GPC6: variants seen among roughly 807,000 people sequenced by gnomAD.
The protein encoded by GPC6 is glypican 6.
GPC6 carries 14 observed loss-of-function variants against 55.2 expected under a neutral mutation model. That is an observed-to-expected ratio of 0.25 (90% CI 0.17 to 0.40). The LOEUF (loss-of-function observed/expected upper bound fraction) is 0.40, where lower values mean the gene tolerates loss of function less well. Among genes scored for constraint, GPC6 ranks in the 10% least tolerant of loss-of-function variants. GPC6 has a pLI of 1.00. For missense variants in GPC6, 641 were observed against 708.5 expected, an observed-to-expected ratio of 0.90 and a Z score of 1.08; for synonymous variants, 278 against 259.6, an observed-to-expected ratio of 1.07 and a Z score of -0.68.
intron 1 of GPC6, among the ~76,000 whole-genome samples, chr13:93,350,753 A>T (rs7988684): frequency 0.41 from 62,465 of 152,050 alleles, 14,277 homozygotes; most frequent in East Asian, 0.91. Flanking sequence ...ATAAACCTTA[A>T]GAGAAAAGCT....
intron 2 of GPC6, among the ~76,000 whole-genome samples, chr13:93,735,827 T>G (rs1883981965): frequency 6.6e-6 from 1 of 152,238 alleles, no homozygotes; most frequent in Non-Finnish European, 1.5e-5. Context: ...CTGGAGGATC[T>G]GATCCATTTC....
intron 1 of GPC6, among the ~76,000 whole-genome samples, chr13:93,510,969 ATG>A (rs1315288853): frequency 3.2e-5 from 2 of 62,380 alleles, no homozygotes; most frequent in East Asian, 1.1e-3. Context: ...ATATATATAT[ATG>A]TGTATATATA....
chr13:93,312,281 A>G (rs774574142), intron 1 of GPC6, among the ~76,000 whole-genome samples: 3 of 152,162 alleles, frequency 2.0e-5, no homozygotes, highest in Non-Finnish European at 2.9e-5. Context: ...TCAAAGTGTC[A>G]ATAGATCCTG....
At chr13:93,579,314 A>G (rs532497605) in intron 2 of GPC6, among the ~76,000 whole-genome samples, 2 of 152,156 alleles carry the variant, frequency 1.3e-5, no homozygotes, top group Non-Finnish European at 2.9e-5. Flanking sequence ...TCCTAATTTG[A>G]TTCTAGTAGT....
intron 4 of GPC6, among the ~76,000 whole-genome samples, chr13:94,191,175 C>A (rs1227013605): frequency 6.6e-6 from 1 of 152,140 alleles, no homozygotes; most frequent in East Asian, 1.9e-4. Flanking sequence ...AAGAAGCTCT[C>A]TCATTATTTA....
chr13:93,441,785 T>C (rs1177371165), intron 1 of GPC6, among the ~76,000 whole-genome samples: 1 of 152,192 alleles, frequency 6.6e-6, no homozygotes, highest in African/African-American at 2.4e-5. Flanking sequence ...GTGTCCTGAA[T>C]GGTATTGCCT....
intron 1 of GPC6, among the ~76,000 whole-genome samples, chr13:93,504,342 A>G (rs1880627824): frequency 6.6e-6 from 1 of 152,156 alleles, no homozygotes; most frequent in Admixed American, 6.5e-5. Context: ...AACAGGACAT[A>G]CTTACACCAA....
At chr13:94,218,427 AG>A (rs1346177736) in intron 4 of GPC6, among the ~76,000 whole-genome samples, 2 of 152,158 alleles carry the variant, frequency 1.3e-5, no homozygotes, top group Non-Finnish European at 2.9e-5. Flanking sequence ...TAAAAATGGC[AG>A]GGTTTGTTTG....
At chr13:93,544,414 G>T (rs907965542) in intron 1 of GPC6, among the ~76,000 whole-genome samples, 3 of 152,028 alleles carry the variant, frequency 2.0e-5, no homozygotes, top group African/African-American at 4.8e-5. Flanking sequence ...GCAATTTGTT[G>T]GTTTTATTTA....
At chr13:94,320,342 A>G (rs1470570337) in intron 6 of GPC6, among the ~76,000 whole-genome samples, 5 of 152,108 alleles carry the variant, frequency 3.3e-5, no homozygotes, top group African/African-American at 9.7e-5. Flanking sequence ...CTGATATTCT[A>G]ATATCTGAAG....
rs1881315048 is a variant in GPC6, at chr13:94,405,098, C to T, written c.*1881C>T. On this transcript the variant is annotated 3_prime_UTR_variant, in exon 9 of 9. Transcript: ENST00000377047. Reference sequence around the variant, plus strand: ...ATTTAGTCATCACATTTAAGTAGAACACATGTGGCACAATAGTATTAAGTA... The same window carrying T: ...ATTTAGTCATCACATTTAAGTAGAATACATGTGGCACAATAGTATTAAGTA... 6.6e-6 allele frequency: 1 copy of T among 152,190 alleles called. No homozygotes were observed. The highest frequency in any genetic ancestry group is 1.5e-5 in the Non-Finnish European group (1 of 68,038). 9.4% of individuals were successfully genotyped at this position (152,190 alleles called of 1,614,324 possible).
At chr13:93,399,083 C>T (rs796385408) in intron 1 of GPC6, among the ~76,000 whole-genome samples, 35 of 151,576 alleles carry the variant, frequency 2.3e-4, no homozygotes, top group African/African-American at 8.0e-4. Flanking sequence ...CACACACACA[C>T]GTGCACACAA....
At chr13:93,270,328 C>A (rs1877475847) in intron 1 of GPC6, among the ~76,000 whole-genome samples, 1 of 150,662 alleles carries the variant, frequency 6.6e-6, no homozygotes, top group Non-Finnish European at 1.5e-5. Context: ...ATGTTTCTCA[C>A]TTTTTCTGAG....
chr13:93,852,211 A>G (rs1049570606), intron 3 of GPC6, among the ~76,000 whole-genome samples: 3 of 151,774 alleles, frequency 2.0e-5, no homozygotes, highest in Admixed American at 2.0e-4. Context: ...GCATTGGCAA[A>G]CAAAGGAACA....
intron 1 of GPC6, among the ~76,000 whole-genome samples, chr13:93,388,198 C>T (rs943222972): frequency 3.9e-5 from 6 of 152,176 alleles, no homozygotes; most frequent in African/African-American, 7.2e-5. Context: ...CTCCAGGGTG[C>T]AAGCTTTTGA....
intron 2 of GPC6, among the ~76,000 whole-genome samples, chr13:93,630,901 G>T (rs1406594475): frequency 6.6e-6 from 1 of 152,114 alleles, no homozygotes; most frequent in Admixed American, 6.6e-5. Flanking sequence ...GACTGTATTT[G>T]AAGATAGGCC....
At chr13:93,760,480 C>T (rs1459255547) in intron 2 of GPC6, among the ~76,000 whole-genome samples, 1 of 152,120 alleles carries the variant, frequency 6.6e-6, no homozygotes, top group Non-Finnish European at 1.5e-5. Context: ...TGGCTTGGTC[C>T]TCAGGCAACT....
chr13:93,938,894 G>A (rs1167458613), intron 3 of GPC6, among the ~76,000 whole-genome samples: 1 of 152,106 alleles, frequency 6.6e-6, no homozygotes, highest in Non-Finnish European at 1.5e-5. Flanking sequence ...ACAAAGTCAA[G>A]AGATGGAGAC....
intron 3 of GPC6, among the ~76,000 whole-genome samples, chr13:93,992,172 T>C (rs987901064): frequency 1.4e-5 from 2 of 145,208 alleles, no homozygotes; most frequent in African/African-American, 5.2e-5. Context: ...TACAGAGATA[T>C]GTGTGTATAT....
Sources: allele counts gnomAD v4.1 joint callset (sites outside exome capture counted in the v4.1 genomes callset), GRCh38; gene constraint gnomAD v4.1.1; transcripts MANE v1.5; gene names NCBI Gene and HGNC (gene_info 2026-07-23, HGNC 2026-07-21).